The following ANKRD26 variants were observed in gnomAD, a reference collection of about 807,000 sequenced individuals.
ANKRD26 encodes ankyrin repeat domain-containing protein 26.
In ANKRD26, 141 loss-of-function variants were observed where a neutral mutation model predicts 208.7. The ratio of observed to expected loss-of-function variants is 0.68; its 90% CI spans 0.59 to 0.78. ANKRD26 has a LOEUF of 0.78. ANKRD26 is among the 30% of genes least tolerant of loss of function. ANKRD26 has a pLI of 0.00. For missense variants in ANKRD26, 1,889 were observed against 1,938.7 expected, an observed-to-expected ratio of 0.97 and a Z score of 0.48; for synonymous variants, 636 against 660.4, an observed-to-expected ratio of 0.96 and a Z score of 0.57.
At chr10:27,041,672 T>C (rs116106107) in intron 20 of ANKRD26, among the ~76,000 whole-genome samples, 2,242 of 151,494 alleles carry the variant, frequency 0.015, 35 homozygotes, top group African/African-American at 0.031. Flanking sequence ...TAGATGAAAA[T>C]AAACACAGAT....
intron 1 of ANKRD26, among the ~76,000 whole-genome samples, chr10:27,097,094 A>G (rs1317538628): frequency 1.3e-5 from 2 of 152,040 alleles, no homozygotes; most frequent in South Asian, 4.1e-4. Context: ...AGGCAGGAGA[A>G]TTGCTTGAAC....
intron 4 of ANKRD26, among the ~76,000 whole-genome samples, chr10:26,996,227 T>C (rs1564339338): frequency 6.6e-6 from 1 of 151,852 alleles, no homozygotes; most frequent in Non-Finnish European, 1.5e-5. Context: ...AGAGAGAATA[T>C]CTTGAGACCA....
At chr10:26,969,421 T>C (rs2052112674), downstream of ANKRD26, among the ~76,000 whole-genome samples, 2 of 152,190 alleles carry the variant, frequency 1.3e-5, no homozygotes, top group Admixed American at 6.5e-5. Context: ...GCCACACACA[T>C]CAAAACCATA....
chr10:27,040,092 T>A lies in ANKRD26; in HGVS notation c.2248A>T (p.Thr750Ser). 1 of 1,613,008 alleles carries A rather than the reference T, an allele frequency of 6.2e-7. No homozygotes were observed. Among genetic ancestry groups the A allele is most frequent in the South Asian group, 1.1e-5 (1 of 91,050 alleles). ...ELKKNHCELLTVKIKKMEDKV... is the reference protein window; with the variant it reads ...ELKKNHCELLSVKIKKMEDKV... The stretch of plus-strand genomic sequence containing the variant: ...TCTTCCATTTTTTTAATTTTTACTG[T>A]AAGTAGTTCACAGTGATTTTTTTTA... Residue 750 changes from threonine (T) to serine (S), a missense_variant, in exon 21 of 34, where the codon ACA becomes TCA. Thr to Ser is a moderately conservative substitution (Grantham distance 58). This residue lies in a region of ANKRD26 where 1,272 missense variants were observed against 1,273.8 expected (regional missense o/e 1.00). Transcript: ENST00000376087.
intron 28 of ANKRD26, among the ~76,000 whole-genome samples, chr10:27,023,464 T>C (rs182789850): frequency 6.8e-6 from 1 of 147,992 alleles, no homozygotes; most frequent in East Asian, 2.0e-4. Context: ...AAAAAGAAAG[T>C]ACACACAAAA....
intron 15 of ANKRD26, among the ~76,000 whole-genome samples, chr10:27,056,341 C>T (rs924977815): frequency 6.6e-6 from 1 of 152,010 alleles, no homozygotes; most frequent in Non-Finnish European, 1.5e-5. Context: ...CCACACCCAG[C>T]TAATTTTTGT....
chr10:27,077,353 G>T lies in ANKRD26; in HGVS notation c.1062C>A (p.Asn354Lys), dbSNP rs749392007. 9 of 1,613,656 alleles carry T rather than the reference G, an allele frequency of 5.6e-6. No individual in the cohort carries two copies. The East Asian group carries it at 1.1e-4, about 20-fold the overall frequency. The change falls in exon 9 of 34, where the codon AAC becomes AAA. Residue 354 changes from asparagine to lysine, a missense_variant. Physicochemically the swap from Asn to Lys is moderately conservative, Grantham distance 94 (BLOSUM62 0). This residue lies in a region of ANKRD26 where 1,272 missense variants were observed against 1,273.8 expected (regional missense o/e 1.00). Transcript: ENST00000376087. ...LPKPSHKSLA[N>K]PGLMKEEPTK... ...AACAACTTACCTTCATAAGACCAGG[G>T]TTTGCTAACGACTTGTGGGAAGGTT...
At chr10:27,093,938 C>T (rs558669053) in intron 1 of ANKRD26, 139 bp from the exon 2 acceptor site, 13 of 747,636 alleles carry the variant, frequency 1.7e-5, no homozygotes, top group Non-Finnish European at 2.3e-6. Context: ...TGGCTGTGTC[C>T]CCAACCAAAT....
intron 5 of ANKRD26, 50 bp from the exon 6 acceptor site, chr10:27,082,883 T>G: frequency 6.5e-7 from 1 of 1,546,422 alleles, no homozygotes; most frequent in East Asian, 2.4e-5. Flanking sequence ...TAGAAAAATA[T>G]ATAAAATTTA....
intron 1 of ANKRD26, among the ~76,000 whole-genome samples, chr10:27,097,629 T>C (rs1444002964): frequency 6.6e-6 from 1 of 151,144 alleles, no homozygotes; most frequent in African/African-American, 2.4e-5. Flanking sequence ...TTTGCAATAA[T>C]ATTTATCTTT....
chr10:27,048,692 T>C (rs1312511214), intron 17 of ANKRD26, 109 bp downstream of exon 17: 1 of 1,130,966 alleles, frequency 8.8e-7, no homozygotes, highest in East Asian at 2.5e-5. Flanking sequence ...AGGTTGCATA[T>C]CCCTTGCATA....
chr10:27,028,827 G>T, intron 27 of ANKRD26, 25 bp downstream of exon 27: 1 of 1,575,932 alleles, frequency 6.3e-7, no homozygotes, highest in Non-Finnish European at 8.7e-7. Flanking sequence ...TTTTCAGTAC[G>T]ACAGAAATTA....
In ANKRD26 at chr10:27,024,542, T is replaced by C; in HGVS notation, c.3990A>G (p.Glu1330=). 1.9e-6 allele frequency: 3 copies of C among 1,565,242 alleles called. No homozygotes were observed. Among genetic ancestry groups the C allele is most frequent in the African/African-American group, 1.4e-5 (1 of 73,992 alleles). ...LNANLSEDEK[E]QLKKLMELKQ... is the part of the protein sequence containing the mutation. ...TTAATTCCATAAGTTTCTTTAATTG[T>C]TCCTTTTCATCTTCAGACTTTGAAA... Residue 1330 remains glutamate, a synonymous_variant, in exon 28 of 34, where the codon GAA becomes GAG. Coordinates refer to ENST00000376087, the MANE Select transcript of ANKRD26 (RefSeq NM_014915.3).
chr10:27,082,540 G>C (rs1388586261), intron 6 of ANKRD26, among the ~76,000 whole-genome samples: 1 of 152,174 alleles, frequency 6.6e-6, no homozygotes, highest in Non-Finnish European at 1.5e-5. Flanking sequence ...TATGCTGAGG[G>C]GCAAGAGAAG....
intron 32 of ANKRD26, among the ~76,000 whole-genome samples, chr10:27,007,551 G>A (rs1013806608): frequency 1.3e-5 from 2 of 152,188 alleles, no homozygotes; most frequent in African/African-American, 2.4e-5. Context: ...AGCTACTTGG[G>A]AGGCGGAGGC....
At chr10:27,045,138 T>A (rs1564385399) in intron 18 of ANKRD26, among the ~76,000 whole-genome samples, 1 of 152,186 alleles carries the variant, frequency 6.6e-6, no homozygotes, top group African/African-American at 2.4e-5. Context: ...AAAATCCTTA[T>A]TGAAGCTGGG....
rs2053785473 is a variant in ANKRD26 at position 27,029,328 on chromosome 10, T to C, written c.3836A>G (p.Glu1279Gly). 2 of 1,612,958 alleles carry C rather than the reference T, an allele frequency of 1.2e-6. No individual in the cohort carries two copies. The highest frequency in any genetic ancestry group is 8.5e-7 in the Non-Finnish European group (1 of 1,179,370). Residue 1279 changes from glutamate to glycine, a missense_variant, in exon 26 of 34, where the codon GAA becomes GGA. Physicochemically the swap from Glu to Gly is moderately conservative, Grantham distance 98. This residue lies in a region of ANKRD26 where 613 missense variants were observed against 648.2 expected (regional missense o/e 0.95). Coordinates refer to ENST00000376087, the MANE Select transcript of ANKRD26 (RefSeq NM_014915.3). ...CATCTTCTCAGCACATCTGACAGCT[T>C]CTGTATGTCGATCCTGTGCTTCTTG... is the stretch of plus-strand genomic sequence containing the variant. ...QLQEAQDRHT[E>G]AVRCAEKMQD...
chr10:26,948,775 G>T, the ANKRD26 span, among the ~76,000 whole-genome samples: 1 of 152,110 alleles, frequency 6.6e-6, no homozygotes, highest in African/African-American at 2.4e-5. Context: ...ATCACCTAAG[G>T]TCAGAAGTTC....
At chr10:27,038,124 G>A (rs762029933) in intron 21 of ANKRD26, 70 bp from the exon 22 acceptor site, 24 of 1,269,872 alleles carry the variant, frequency 1.9e-5, no homozygotes, top group African/African-American at 1.3e-4. Flanking sequence ...GTGATATGCC[G>A]CTTTGTATGT....
Sources: allele counts gnomAD v4.1 joint callset (sites outside exome capture counted in the v4.1 genomes callset), GRCh38; gene constraint gnomAD v4.1.1; regional missense constraint gnomAD v4.1.1; transcripts MANE v1.5; gene names NCBI Gene and HGNC (gene_info 2026-07-23, HGNC 2026-07-21).